Variants in ADK observed in about 807,000 individuals in gnomAD.
The protein encoded by ADK is N6,N6-dimethyladenosine kinase.
In ADK, 24 loss-of-function variants were observed where a neutral mutation model predicts 44.7. The observed-to-expected ratio is 0.54, with a 90% CI of 0.39 to 0.76. ADK has a LOEUF of 0.76. ADK is among the 30% of genes least tolerant of loss of function. The pLI is 0.00. For synonymous variants in ADK, 128 were observed against 142.6 expected, an observed-to-expected ratio of 0.90 and a Z score of 0.73; for missense variants, 321 against 425.1, an observed-to-expected ratio of 0.76 and a Z score of 2.15.
intron 6 of ADK, among the ~76,000 whole-genome samples, chr10:74,491,753 G>GGGAGTGT (rs1423500305): frequency 6.6e-6 from 1 of 152,102 alleles, no homozygotes; most frequent in Non-Finnish European, 1.5e-5. Flanking sequence ...GTAGATAAGT[G>GGGAGTGT]GGAGTGTAGG....
At chr10:74,581,456 T>G (rs1851371771) in intron 7 of ADK, among the ~76,000 whole-genome samples, 2 of 151,976 alleles carry the variant, frequency 1.3e-5, no homozygotes, top group South Asian at 4.1e-4. Flanking sequence ...CTTTAGATGA[T>G]CAAATATATA....
chr10:74,426,209 G>A (rs556865308), intron 6 of ADK, among the ~76,000 whole-genome samples: 1 of 152,084 alleles, frequency 6.6e-6, no homozygotes, highest in East Asian at 1.9e-4. Context: ...CTTTAAAACA[G>A]CCCCCATTAT....
intron 6 of ADK, among the ~76,000 whole-genome samples, chr10:74,458,146 T>TTTGG (rs1564733240): frequency 1.9e-5 from 2 of 106,328 alleles, no homozygotes; most frequent in African/African-American, 7.7e-5. Context: ...TTTTTTTTTT[T>TTTGG]GGGGGGAGAA....
chr10:74,451,135 A>C (rs1370283161), intron 6 of ADK, among the ~76,000 whole-genome samples: 1 of 150,094 alleles, frequency 6.7e-6, no homozygotes, highest in Non-Finnish European at 1.5e-5. Flanking sequence ...AAAAAAATAA[A>C]ACAATAGTTT....
At chr10:74,596,372 A>G (rs766873571) in intron 8 of ADK, among the ~76,000 whole-genome samples, 1 of 152,122 alleles carries the variant, frequency 6.6e-6, no homozygotes, top group African/African-American at 2.4e-5. Context: ...AGATTTAATG[A>G]GTACTTTATT....
chr10:74,508,717 CTTT>C (rs888958926), intron 6 of ADK, among the ~76,000 whole-genome samples: 4 of 152,080 alleles, frequency 2.6e-5, no homozygotes, highest in Non-Finnish European at 5.9e-5. Flanking sequence ...TAGTTTCTCT[CTTT>C]TTTTATTTTT....
chr10:74,612,293 G>A (rs1013297894), intron 9 of ADK, among the ~76,000 whole-genome samples: 8 of 151,916 alleles, frequency 5.3e-5, no homozygotes, highest in African/African-American at 1.7e-4. Context: ...TGATTTATTT[G>A]TATTTTATAG....
chr10:74,665,779 G>GAGAGAGAGAC (rs1449559030), intron 9 of ADK, among the ~76,000 whole-genome samples: 8 of 139,016 alleles, frequency 5.8e-5, no homozygotes, highest in African/African-American at 1.9e-4. Context: ...GAGAGAGAGA[G>GAGAGAGAGAC]AGACAGACAG....
At chr10:74,534,626 G>A (rs1849392977) in intron 7 of ADK, among the ~76,000 whole-genome samples, 1 of 152,136 alleles carries the variant, frequency 6.6e-6, no homozygotes, top group African/African-American at 2.4e-5. Context: ...TTTTTCTAAT[G>A]CATGTAAAGT....
chr10:74,172,137 C>CTTTTTT (rs3998223), intron 1 of ADK, among the ~76,000 whole-genome samples: 3 of 122,690 alleles, frequency 2.4e-5, no homozygotes, highest in Admixed American at 8.5e-5. Context: ...CATGGATTTT[C>CTTTTTT]TTTTTTTTTT....
intron 4 of ADK, among the ~76,000 whole-genome samples, chr10:74,365,369 C>T (rs1842465615): frequency 6.6e-6 from 1 of 152,158 alleles, no homozygotes; most frequent in Non-Finnish European, 1.5e-5. Context: ...TACATGAAAT[C>T]ATCACTATAT....
At chr10:74,297,436 A>G (rs1272519280) in intron 3 of ADK, among the ~76,000 whole-genome samples, 2 of 152,260 alleles carry the variant, frequency 1.3e-5, no homozygotes, top group African/African-American at 4.8e-5. Flanking sequence ...CAATTTAAGA[A>G]CAAATTTAAC....
At chr10:74,656,051 G>A (rs2134151745) in intron 9 of ADK, 1 of 482,440 alleles carries the variant, frequency 2.1e-6, no homozygotes, top group East Asian at 4.3e-5. Flanking sequence ...GTAGGACTGG[G>A]GAGATGATAG....
Position 74,644,053 on chromosome 10 carries a change from C to G in ADK, c.878-26130C>G, listed in dbSNP as rs145934297. Among the ~76,000 whole-genome samples, 3 of 152,308 alleles carry G rather than the reference C, an allele frequency of 2.0e-5. No individual in the cohort carries two copies. In the East Asian group the frequency reaches 5.8e-4, roughly 29 times the overall value. ...TCTTTTGTTAGGACTTCAATGCCTT[C>G]AAACAGATTTTTTAAAAATATGTCC... On this transcript the variant is annotated intron_variant, in intron 9 of 10. Transcript: ENST00000539909.
chr10:74,458,262 CTG>C (rs1434830194), intron 6 of ADK, among the ~76,000 whole-genome samples: 1 of 138,924 alleles, frequency 7.2e-6, no homozygotes, highest in Non-Finnish European at 1.5e-5. Context: ...CTCCAAGTAT[CTG>C]GACTCAAAGG....
chr10:74,652,039 T>C (rs987619947), intron 9 of ADK, among the ~76,000 whole-genome samples: 4 of 149,706 alleles, frequency 2.7e-5, no homozygotes, highest in Non-Finnish European at 4.4e-5. Flanking sequence ...ATGAAGGAAC[T>C]TTCTTTCTTT....
At chr10:74,274,334 G>T (rs1361500731) in intron 3 of ADK, among the ~76,000 whole-genome samples, 1 of 152,062 alleles carries the variant, frequency 6.6e-6, no homozygotes, top group East Asian at 1.9e-4. Context: ...GGCCGAGGTG[G>T]GTGGATCACC....
intron 10 of ADK, among the ~76,000 whole-genome samples, chr10:74,693,078 G>A (rs1359305453): frequency 6.6e-6 from 1 of 152,122 alleles, no homozygotes; most frequent in Non-Finnish European, 1.5e-5. Flanking sequence ...CTTTAATGGT[G>A]TATATTATTA....
At chr10:74,317,505 C>T (rs537732837) in intron 4 of ADK, among the ~76,000 whole-genome samples, 9 of 149,990 alleles carry the variant, frequency 6.0e-5, no homozygotes, top group African/African-American at 1.5e-4. Flanking sequence ...TTAGGAGAAT[C>T]GCTTGAGTCC....
Sources: allele counts gnomAD v4.1 joint callset (sites outside exome capture counted in the v4.1 genomes callset), GRCh38; gene constraint gnomAD v4.1.1; transcripts MANE v1.5; gene names NCBI Gene and HGNC (gene_info 2026-07-23, HGNC 2026-07-21).